CLYBL: variants seen among roughly 807,000 people sequenced by gnomAD.
The protein encoded by CLYBL is citramalyl-CoA lyase, mitochondrial.
Under a neutral mutation model 38.9 loss-of-function variants are expected in CLYBL, and 31 were observed. The observed-to-expected ratio is 0.80, with a 90% confidence interval of 0.60 to 1.08. The LOEUF is 1.08. Among genes scored for constraint, CLYBL ranks in the 50% least tolerant of loss-of-function variants. The probability of loss-of-function intolerance (pLI) is 0.00; values close to 1 mark genes in which losing one functional copy is unlikely to be tolerated. For missense variants in CLYBL, 434 were observed against 411.6 expected (o/e 1.05, Z -0.47); for synonymous variants, 171 against 158.6 (o/e 1.08, Z -0.59).
chr13:99,893,284 C>T (rs2152133867), downstream of CLYBL: 1 of 152,666 alleles, frequency 6.6e-6, no homozygotes, highest in South Asian at 2.1e-4. Flanking sequence ...CAGCAGTTCC[C>T]AGAGGAGCAC....
chr13:99,703,680 T>C (rs1347057400), intron 1 of CLYBL, among the ~76,000 whole-genome samples: 2 of 152,214 alleles, frequency 1.3e-5, no homozygotes, highest in Non-Finnish European at 2.9e-5. Flanking sequence ...AATTAGTTCA[T>C]TTTTTATACA....
At chr13:99,783,333 A>G (rs1403047669) in intron 2 of CLYBL, among the ~76,000 whole-genome samples, 1 of 151,490 alleles carries the variant, frequency 6.6e-6, no homozygotes, top group Non-Finnish European at 1.5e-5. Context: ...GTGAGCCGCC[A>G]TGCCTGGGCC....
chr13:99,819,465 T>TATATATATATATATATATAA lies in CLYBL; in HGVS notation c.250-39393_250-39392insTATATATATATATATAAATA, dbSNP rs1366110606. Among the ~76,000 whole-genome samples the TATATATATATATATATATAA allele has an allele frequency of 3.2e-4, 19 of 58,752 alleles. 2 individuals carry two copies. Among genetic ancestry groups the TATATATATATATATATATAA allele is most frequent in the South Asian group, 5.8e-4 (1 of 1,718 alleles). The allele number at this position is 58,752 out of a possible 152,430, so 38.5% of individuals were successfully genotyped here. A position where few individuals can be genotyped will look rare whatever the true frequency, so the allele number is the denominator to read the frequency against. ...ATATATATATATATATATATATATA[T>TATATATATATATATATATAA]ATAATATTTGTCAGGGTTGTCTGGG... On this transcript the variant is annotated intron_variant, in intron 2 of 8. Transcript: ENST00000339105.
At chr13:99,672,933 T>A (rs1248817993) in intron 1 of CLYBL, among the ~76,000 whole-genome samples, 2 of 152,188 alleles carry the variant, frequency 1.3e-5, no homozygotes, top group Non-Finnish European at 2.9e-5. Context: ...CAGCAGTCCT[T>A]CATCCATGCG....
chr13:99,633,610 T>TG (rs2046979690), intron 1 of CLYBL, among the ~76,000 whole-genome samples: 1 of 150,308 alleles, frequency 6.7e-6, no homozygotes, highest in African/African-American at 2.4e-5. Flanking sequence ...GAGGAGGGAA[T>TG]GGGAAGTGAT....
intron 3 of CLYBL, among the ~76,000 whole-genome samples, chr13:99,860,869 C>T (rs1008471675): frequency 5.9e-5 from 9 of 152,202 alleles, no homozygotes; most frequent in African/African-American, 1.9e-4. Context: ...CGCCTTTTGT[C>T]GCTAGTGTGG....
At chr13:99,789,851 C>CT (rs763803009) in intron 2 of CLYBL, among the ~76,000 whole-genome samples, 2 of 152,110 alleles carry the variant, frequency 1.3e-5, no homozygotes, top group Non-Finnish European at 2.9e-5. Context: ...TTGTAGATCT[C>CT]TAAGGACTTG....
chr13:99,827,520 A>T (rs952994007), intron 2 of CLYBL, among the ~76,000 whole-genome samples: 6 of 152,154 alleles, frequency 3.9e-5, no homozygotes, highest in African/African-American at 1.4e-4. Flanking sequence ...AAGAAACTGG[A>T]CAGGACCTCC....
chr13:99,822,941 T>C (rs1432725022), intron 2 of CLYBL, among the ~76,000 whole-genome samples: 1 of 152,248 alleles, frequency 6.6e-6, no homozygotes, highest in Non-Finnish European at 1.5e-5. Context: ...CTTCCTTCTA[T>C]GTAAGATGAG....
At chr13:99,703,205 C>T (rs917589503) in intron 1 of CLYBL, among the ~76,000 whole-genome samples, 2 of 152,160 alleles carry the variant, frequency 1.3e-5, no homozygotes, top group Admixed American at 6.5e-5. Context: ...CTGTAATCCC[C>T]GCAGTTTGGG....
At chr13:99,790,237 A>G (rs1054766363) in intron 2 of CLYBL, among the ~76,000 whole-genome samples, 1 of 152,160 alleles carries the variant, frequency 6.6e-6, no homozygotes, top group African/African-American at 2.4e-5. Flanking sequence ...TGATCCTGTC[A>G]TTATGATGTT....
At chr13:99,730,834 G>C (rs1026399086) in intron 1 of CLYBL, among the ~76,000 whole-genome samples, 1 of 152,120 alleles carries the variant, frequency 6.6e-6, no homozygotes, top group Non-Finnish European at 1.5e-5. Context: ...TGTAATCCTA[G>C]CACTTTGGGA....
intron 7 of CLYBL, among the ~76,000 whole-genome samples, chr13:99,887,867 T>C (rs2052390057): frequency 6.6e-6 from 1 of 152,090 alleles, no homozygotes; most frequent in Non-Finnish European, 1.5e-5. Context: ...GTTTTTTTTT[T>C]TTTTTTAGGA....
intron 1 of CLYBL, among the ~76,000 whole-genome samples, chr13:99,632,200 A>T (rs2046955769): frequency 6.6e-6 from 1 of 152,232 alleles, no homozygotes; most frequent in African/African-American, 2.4e-5. Context: ...AAATCTGCAT[A>T]TGAAATTGCA....
At chr13:99,657,569 AAAAT>A (rs1426601494) in intron 1 of CLYBL, among the ~76,000 whole-genome samples, 7 of 152,250 alleles carry the variant, frequency 4.6e-5, no homozygotes, top group Non-Finnish European at 1.0e-4. Context: ...AAAAGGCAGT[AAAAT>A]AAACAGATTG....
chr13:99,681,903 T>C (rs1439108409), intron 1 of CLYBL, among the ~76,000 whole-genome samples: 3 of 152,136 alleles, frequency 2.0e-5, no homozygotes, highest in African/African-American at 7.2e-5. Flanking sequence ...ATCTTTTCTG[T>C]TAGTTTCAGA....
chr13:99,694,781 G>C (rs765442228), intron 1 of CLYBL, among the ~76,000 whole-genome samples: 6 of 152,166 alleles, frequency 3.9e-5, no homozygotes, highest in Non-Finnish European at 5.9e-5. Flanking sequence ...CCTGGACATC[G>C]GTGCTTTCCC....
chr13:99,648,439 G>A (rs1399301937), intron 1 of CLYBL, among the ~76,000 whole-genome samples: 6 of 152,154 alleles, frequency 3.9e-5, no homozygotes, highest in Non-Finnish European at 7.4e-5. Context: ...TCCATTGTTC[G>A]TTGAATTCTG....
downstream of CLYBL, among the ~76,000 whole-genome samples, chr13:99,901,672 T>C (rs2152137815): frequency 6.6e-6 from 1 of 151,830 alleles, no homozygotes; most frequent in South Asian, 2.1e-4. Flanking sequence ...GTTTGTTTGT[T>C]TGTTTGAGAT....
Sources: allele counts gnomAD v4.1 joint callset (sites outside exome capture counted in the v4.1 genomes callset), GRCh38; gene constraint gnomAD v4.1.1; transcripts MANE v1.5; gene names NCBI Gene and HGNC (gene_info 2026-07-23, HGNC 2026-07-21).